TRAPPC9: variants seen among roughly 807,000 people sequenced by gnomAD.
The protein encoded by TRAPPC9 is trafficking protein particle complex subunit 9, also known as IKK2 binding protein.
In TRAPPC9, 83 loss-of-function variants were observed where a neutral mutation model predicts 124.0. The ratio of observed to expected loss-of-function variants is 0.67; its 90% CI spans 0.56 to 0.80. The LOEUF is 0.80. Among genes scored for constraint, TRAPPC9 ranks in the 30% least tolerant of loss-of-function variants. The probability of loss-of-function intolerance (pLI) is 0.00; values close to 1 mark genes in which losing one functional copy is unlikely to be tolerated. For synonymous variants in TRAPPC9, 638 were observed against 617.5 expected, an observed-to-expected ratio of 1.03 and a Z score of -0.49; for missense variants, 1,302 against 1,508.3, an observed-to-expected ratio of 0.86 and a Z score of 2.27.
chr8:139,731,301 G>T, intron 22 of TRAPPC9, 73 bp from the exon 23 acceptor site: 1 of 1,560,204 alleles, frequency 6.4e-7, no homozygotes, highest in East Asian at 2.3e-5. Context: ...GGAATCCTGG[G>T]AATCTGCCTG....
At chr8:139,992,666 T>C (rs1305473878) in intron 18 of TRAPPC9, among the ~76,000 whole-genome samples, 1 of 147,894 alleles carries the variant, frequency 6.8e-6, no homozygotes, top group East Asian at 2.0e-4. Context: ...ATGTCAGGAA[T>C]TGTTATAAGG....
chr8:139,893,854 G>C (rs544706874), intron 20 of TRAPPC9, among the ~76,000 whole-genome samples: 20 of 152,216 alleles, frequency 1.3e-4, no homozygotes, highest in Non-Finnish European at 2.8e-4. Context: ...TGCTGGCTTT[G>C]AGTGACAGGC....
chr8:140,017,402 A>G (rs968022723), intron 18 of TRAPPC9, among the ~76,000 whole-genome samples: 3 of 152,222 alleles, frequency 2.0e-5, no homozygotes, highest in Admixed American at 1.3e-4. Flanking sequence ...TCTTGGGCAG[A>G]TGTGATGTAT....
chr8:140,399,464 C>T (rs558702145), intron 6 of TRAPPC9, among the ~76,000 whole-genome samples: 111 of 152,228 alleles, frequency 7.3e-4, no homozygotes, highest in Non-Finnish European at 8.2e-4. Flanking sequence ...GGGAACCCAC[C>T]TCTTGCATCA....
chr8:139,969,702 G>A (rs572197726), intron 19 of TRAPPC9, among the ~76,000 whole-genome samples: 7 of 152,238 alleles, frequency 4.6e-5, no homozygotes, highest in East Asian at 1.9e-4. Context: ...AATGCTCCTC[G>A]CCCCCCAGTG....
chr8:139,999,993 T>A (rs1202210513), intron 18 of TRAPPC9, among the ~76,000 whole-genome samples: 1 of 152,162 alleles, frequency 6.6e-6, no homozygotes. Flanking sequence ...ATCTTCTATC[T>A]TAAGAAACGA....
In TRAPPC9 at chr8:140,151,665, A is replaced by G. The variant is rs145785617; in HGVS notation, c.2556+69794T>C. On this transcript the variant is annotated intron_variant, in intron 17 of 22. Coordinates refer to ENST00000438773, the MANE Select transcript of TRAPPC9 (RefSeq NM_001160372.4). ...ACTCTCCATGTAAGATCACATTCTG[A>G]GGTGCTGAGGGTTAAGAGTTCAACA... Among the ~76,000 whole-genome samples the G allele has an allele frequency of 1.7e-3, 255 of 152,220 alleles. 2 individuals are homozygous for G. Among genetic ancestry groups the G allele is most frequent in the African/African-American group, 5.5e-3 (229 of 41,532 alleles).
At chr8:140,430,650 G>T (rs550646887) in intron 4 of TRAPPC9, among the ~76,000 whole-genome samples, 2 of 152,160 alleles carry the variant, frequency 1.3e-5, no homozygotes, top group South Asian at 4.2e-4. Context: ...GTTGTTTTTT[G>T]TTTTTTAAGA....
chr8:139,921,103 C>A (rs1164236900), intron 19 of TRAPPC9, among the ~76,000 whole-genome samples: 2 of 152,244 alleles, frequency 1.3e-5, no homozygotes, highest in Non-Finnish European at 2.9e-5. Context: ...TCTTGCAGCA[C>A]AGCTAGAGGA....
intron 19 of TRAPPC9, among the ~76,000 whole-genome samples, chr8:139,948,805 C>A (rs1167109840): frequency 1.3e-5 from 2 of 152,178 alleles, no homozygotes; most frequent in Non-Finnish European, 2.9e-5. Context: ...AGGCCAAGCT[C>A]AGTGGCTCAC....
In TRAPPC9 at chr8:140,166,187, C is replaced by A. The variant is rs532228914; in HGVS notation, c.2556+55272G>T. On this transcript the variant is annotated intron_variant, in intron 17 of 22. Coordinates refer to ENST00000438773, the MANE Select transcript of TRAPPC9 (RefSeq NM_001160372.4). Reference sequence around the variant, plus strand: ...CCCAAAATCAACCCCTGTGCAATAACGCATGCCCATCAGGTCCCATGGTTC... The same window carrying A: ...CCCAAAATCAACCCCTGTGCAATAAAGCATGCCCATCAGGTCCCATGGTTC... Among the ~76,000 whole-genome samples, 5 of 152,350 alleles carry A rather than the reference C, an allele frequency of 3.3e-5. No individual in the cohort carries two copies. The South Asian group carries it at 1.0e-3, about 32-fold the overall frequency.
intron 17 of TRAPPC9, among the ~76,000 whole-genome samples, chr8:140,041,566 T>C (rs1283204183): frequency 6.6e-6 from 1 of 152,246 alleles, no homozygotes; most frequent in Non-Finnish European, 1.5e-5. Flanking sequence ...ACCCTAGCCC[T>C]GCCCATCACC....
intron 19 of TRAPPC9, among the ~76,000 whole-genome samples, chr8:139,913,187 T>G (rs1482761919): frequency 6.6e-6 from 1 of 152,144 alleles, no homozygotes; most frequent in Non-Finnish European, 1.5e-5. Context: ...TCTATTATCC[T>G]CCTCCAACCT....
At chr8:140,226,848 C>CAA (rs375203443) in intron 16 of TRAPPC9, among the ~76,000 whole-genome samples, 6 of 135,558 alleles carry the variant, frequency 4.4e-5, no homozygotes, top group South Asian at 4.7e-4. Context: ...GAGCACTTTG[C>CAA]AAAAAAAAAA....
chr8:139,765,675 C>T lies in TRAPPC9; in HGVS notation c.3056-33473G>A, dbSNP rs545671555. On this transcript the variant is annotated intron_variant, in intron 21 of 22. Coordinates refer to ENST00000438773, the MANE Select transcript of TRAPPC9 (RefSeq NM_001160372.4). Reference sequence around the variant, plus strand: ...GACAGGGGCTGGGATTCCCAGAAGGCTGCCAGAGGACCCTGTGTGGGGTAC... The same window carrying T: ...GACAGGGGCTGGGATTCCCAGAAGGTTGCCAGAGGACCCTGTGTGGGGTAC... 3.3e-5 allele frequency among the ~76,000 whole-genome samples: 5 copies of T among 152,318 alleles called. No individual in the cohort carries two copies. The East Asian group carries it at 9.7e-4, about 29-fold the overall frequency.
intron 21 of TRAPPC9, chr8:139,806,071 C>T (rs1824032108): frequency 6.6e-6 from 1 of 152,190 alleles, no homozygotes; most frequent in African/African-American, 2.4e-5. Flanking sequence ...TAATTGAGAG[C>T]TTCCTACCTG....
At chr8:140,295,919 G>A (rs1415952170) in intron 11 of TRAPPC9, among the ~76,000 whole-genome samples, 6 of 152,258 alleles carry the variant, frequency 3.9e-5, no homozygotes, top group South Asian at 4.1e-4. Flanking sequence ...TGAAACTTGC[G>A]TTATATCTCA....
intron 12 of TRAPPC9, among the ~76,000 whole-genome samples, chr8:140,288,042 AAAAT>A (rs2065541218): frequency 6.6e-6 from 1 of 152,224 alleles, no homozygotes; most frequent in Non-Finnish European, 1.5e-5. Flanking sequence ...TTTATAAACA[AAAAT>A]AAATAAAAAC....
chr8:140,419,448 A>AAAC lies in TRAPPC9; in HGVS notation c.886+7166_886+7167insGTT, dbSNP rs1554683878. On this transcript the variant is annotated intron_variant, in intron 5 of 22. Coordinates refer to ENST00000438773, the MANE Select transcript of TRAPPC9 (RefSeq NM_001160372.4). ...CGTCTCAAAAAAAAAAAAAAAAAAA[A>AAAC]AAAACAAAACAAAACAAAAAACGAG... is the stretch of plus-strand genomic sequence containing the variant. Among the ~76,000 whole-genome samples, 331 of 94,710 alleles carry AAAC rather than the reference A, an allele frequency of 3.5e-3. 1 individual carries two copies. Among genetic ancestry groups the AAAC allele is most frequent in the East Asian group, 5.3e-3 (17 of 3,230 alleles). The allele number at this position is 94,710 out of a possible 152,430, so 62.1% of individuals were successfully genotyped here. A position where few individuals can be genotyped will look rare whatever the true frequency, so the allele number is the denominator to read the frequency against.
Sources: allele counts gnomAD v4.1 joint callset (sites outside exome capture counted in the v4.1 genomes callset), GRCh38; gene constraint gnomAD v4.1.1; transcripts MANE v1.5; gene names NCBI Gene and HGNC (gene_info 2026-07-23, HGNC 2026-07-21).